Variants in POLD3 observed in about 807,000 individuals in gnomAD.
POLD3 encodes DNA polymerase delta subunit 3.
POLD3 carries 19 observed loss-of-function variants against 58.2 expected under a neutral mutation model. The observed-to-expected ratio is 0.33, with a 90% CI of 0.23 to 0.48. The LOEUF (loss-of-function observed/expected upper bound fraction) is 0.48, where lower values mean the gene tolerates loss of function less well. Ranked by LOEUF, POLD3 falls within the 20% of genes least tolerant of loss-of-function variation. The pLI, the probability that POLD3 is intolerant of heterozygous loss-of-function variation, is 0.99. For missense variants in POLD3, 504 were observed against 545.5 expected, an observed-to-expected ratio of 0.92 and a Z score of 0.76; for synonymous variants, 172 against 193.5, an observed-to-expected ratio of 0.89 and a Z score of 0.92.
intron 2 of POLD3, among the ~76,000 whole-genome samples, chr11:74,599,329 G>GCCTC (rs962576451): frequency 2.0e-5 from 3 of 151,508 alleles, no homozygotes; most frequent in Non-Finnish European, 4.4e-5. Context: ...ACCATGCTCG[G>GCCTC]CCTCACTATA....
intron 8 of POLD3, among the ~76,000 whole-genome samples, chr11:74,628,366 T>C (rs1254602263): frequency 1.3e-5 from 2 of 152,214 alleles, no homozygotes; most frequent in Non-Finnish European, 2.9e-5. Context: ...ATCTTTATTG[T>C]TTCCTTTTAC....
chr11:74,618,529 G>T lies in POLD3; in HGVS notation c.393-8G>T. 1 of 1,585,156 alleles carries T rather than the reference G, an allele frequency of 6.3e-7. No homozygotes were observed. The highest frequency in any genetic ancestry group is 1.1e-5 in the South Asian group (1 of 88,314). On this transcript the variant is annotated splice_region_variant and splice_polypyrimidine_tract_variant and intron_variant, in intron 5 of 11. Transcript: ENST00000263681. Reference sequence around the variant, plus strand: ...GACATTAACTTAATGTAACATTTCTGTCCCCAGATTTAGTGCTATACAATG... The same window carrying T: ...GACATTAACTTAATGTAACATTTCTTTCCCCAGATTTAGTGCTATACAATG...
intron 11 of POLD3, chr11:74,638,466 A>G: frequency 2.8e-6 from 1 of 351,430 alleles, no homozygotes; most frequent in Non-Finnish European, 5.6e-6. Flanking sequence ...TGAGTACAGA[A>G]TATAGCTTAT....
chr11:74,604,301 C>T (rs1468502848), intron 2 of POLD3, among the ~76,000 whole-genome samples: 1 of 152,142 alleles, frequency 6.6e-6, no homozygotes, highest in Non-Finnish European at 1.5e-5. Flanking sequence ...CCTGTTTACG[C>T]CTTGGGATAT....
chr11:74,598,496 G>A (rs542376043), intron 2 of POLD3, among the ~76,000 whole-genome samples: 14 of 152,224 alleles, frequency 9.2e-5, no homozygotes, highest in South Asian at 2.1e-4. Flanking sequence ...TTTATTATGC[G>A]CATAGATTCT....
chr11:74,650,940 G>A (rs1410411549), intron 4 of POLD3, among the ~76,000 whole-genome samples: 1 of 152,192 alleles, frequency 6.6e-6, no homozygotes, highest in Non-Finnish European at 1.5e-5. Flanking sequence ...CATAAATTAT[G>A]GTTTTGTTTG....
chr11:74,668,691 C>A, intron 4 of POLD3: 1 of 972,748 alleles, frequency 1.0e-6, no homozygotes, highest in Non-Finnish European at 1.4e-6. Context: ...CCCGGAGTAG[C>A]TAGGAGGGAG....
rs143431500 is a variant in POLD3, at chr11:74,595,758, C to T, written c.116+1642C>T. Among the ~76,000 whole-genome samples the T allele has an allele frequency of 1.8e-3, 272 of 152,274 alleles. 3 individuals are homozygous for T. Among genetic ancestry groups the T allele is most frequent in the Middle Eastern group, 0.014 (4 of 294 alleles). ...TCAGCCTCCCGAGTAGCCGGGACTA[C>T]AGGTGCGTGCCACCACACTCAGCTA... On this transcript the variant is annotated intron_variant, in intron 2 of 11. Transcript: ENST00000263681.
chr11:74,627,918 C>T (rs1435798886), intron 8 of POLD3, among the ~76,000 whole-genome samples: 2 of 152,110 alleles, frequency 1.3e-5, no homozygotes, highest in Non-Finnish European at 2.9e-5. Context: ...GAAGTTTCCT[C>T]TGTTTTCTGA....
intron 3 of POLD3, among the ~76,000 whole-genome samples, chr11:74,610,320 C>T (rs139164293): frequency 0.011 from 1,720 of 152,004 alleles, 44 homozygotes; most frequent in African/African-American, 0.039. Context: ...AAGTGACTCT[C>T]CTGCCTCAGC....
At chr11:74,626,253 C>T (rs974308380) in intron 8 of POLD3, among the ~76,000 whole-genome samples, 1 of 152,162 alleles carries the variant, frequency 6.6e-6, no homozygotes, top group Non-Finnish European at 1.5e-5. Context: ...GCCTCACCAC[C>T]TAGGAACATA....
At chr11:74,637,435 CTTT>C (rs5792663) in intron 11 of POLD3, among the ~76,000 whole-genome samples, 3 of 115,466 alleles carry the variant, frequency 2.6e-5, no homozygotes, top group African/African-American at 3.4e-5. Flanking sequence ...CTTTTTCTTC[CTTT>C]TTTTTTTTTT....
intron 5 of POLD3, among the ~76,000 whole-genome samples, chr11:74,617,671 A>T (rs763066796): frequency 1.3e-5 from 2 of 152,170 alleles, no homozygotes; most frequent in Non-Finnish European, 2.9e-5. Context: ...AAGTGCTGGG[A>T]TTACAGGCGT....
chr11:74,625,871 TTGTG>T lies in POLD3; in HGVS notation c.899+330_899+333del, dbSNP rs56365420. 5.0e-3 allele frequency among the ~76,000 whole-genome samples: 715 copies of T among 143,628 alleles called. 4 individuals carry two copies. Among genetic ancestry groups the T allele is most frequent in the Middle Eastern group, 0.021 (6 of 284 alleles). The allele number at this position is 143,628 out of a possible 152,430, so 94.2% of individuals were successfully genotyped here. ...GTGGACATGGCATAAGTGTGCCTAG[TTGTG>T]TGTGTGTGTGTGTGTGTGTGTGTGT... On this transcript the variant is annotated intron_variant, in intron 8 of 11. Coordinates refer to ENST00000263681, the MANE Select transcript of POLD3 (RefSeq NM_006591.3).
At chr11:74,658,663 A>C (rs1271948119) in intron 4 of POLD3, among the ~76,000 whole-genome samples, 1 of 152,246 alleles carries the variant, frequency 6.6e-6, no homozygotes, top group African/African-American at 2.4e-5. Flanking sequence ...CAAAGGGGTT[A>C]CAGGGTTCTT....
In POLD3 at chr11:74,622,588, C is replaced by T. The variant is rs79226982; in HGVS notation, c.733+2499C>T. Reference sequence around the variant, plus strand: ...AAAATTATGACTTTTTTATTGTATTCGACACATGACAAGATCATTACAATG... The same window carrying T: ...AAAATTATGACTTTTTTATTGTATTTGACACATGACAAGATCATTACAATG... On this transcript the variant is annotated intron_variant, in intron 7 of 11. Transcript: ENST00000263681. 7.4e-3 allele frequency among the ~76,000 whole-genome samples: 1,123 copies of T among 152,072 alleles called. 20 individuals carry two copies. The highest frequency in any genetic ancestry group is 0.025 in the African/African-American group (1,027 of 41,468).
chr11:74,655,504 G>T (rs543821022), intron 4 of POLD3, among the ~76,000 whole-genome samples: 92 of 152,274 alleles, frequency 6.0e-4, no homozygotes, highest in African/African-American at 2.2e-3. Context: ...GAAATAAAAT[G>T]ATATGCAAGA....
downstream of POLD3, among the ~76,000 whole-genome samples, chr11:74,644,530 C>G (rs938662492): frequency 2.0e-5 from 3 of 152,200 alleles, no homozygotes; most frequent in African/African-American, 7.2e-5. Flanking sequence ...CTGCATGACA[C>G]TTTTCTCCAC....
chr11:74,625,425 T>C lies in POLD3; in HGVS notation c.751T>C (p.Leu251=), dbSNP rs764012987. Residue 251 remains leucine, a synonymous_variant, in exon 8 of 12, where the codon TTG becomes CTG. Transcript: ENST00000263681. The stretch of plus-strand genomic sequence containing the variant: ...ATTTATAGATAAATTTAAAGTCAAT[T>C]TGGACTCAGAACAAGCAGTGAAAGA... ...KAAMNKFKVN[L]DSEQAVKEEK... The C allele has an allele frequency of 2.5e-6, 4 of 1,607,622 alleles. No individual in the cohort carries two copies. Among genetic ancestry groups the C allele is most frequent in the Non-Finnish European group, 3.4e-6 (4 of 1,177,786 alleles).
Sources: gnomAD v4.1 joint callset for allele counts (sites outside exome capture counted in the v4.1 genomes callset) on GRCh38, gnomAD v4.1.1 for gene constraint, MANE v1.5 for transcripts, NCBI Gene and HGNC (gene_info 2026-07-23, HGNC 2026-07-21) for gene names.